Variants in PHACTR1 observed in about 807,000 individuals in gnomAD.
PHACTR1 encodes RPEL repeat containing 1.
PHACTR1 carries 16 observed loss-of-function variants against 69.2 expected under a neutral mutation model. That is an observed-to-expected ratio of 0.23 (90% CI 0.16 to 0.35). The LOEUF is 0.35. Ranked by LOEUF, PHACTR1 falls within the 10% of genes least tolerant of loss-of-function variation. The probability of loss-of-function intolerance (pLI) is 1.00; values close to 1 mark genes in which losing one functional copy is unlikely to be tolerated. For synonymous variants in PHACTR1, 312 were observed against 284.5 expected, an observed-to-expected ratio of 1.10 and a Z score of -0.97; for missense variants, 510 against 734.7, an observed-to-expected ratio of 0.69 and a Z score of 3.54.
At chr6:13,100,532 C>T (rs535601715) in intron 5 of PHACTR1, among the ~76,000 whole-genome samples, 15 of 152,266 alleles carry the variant, frequency 9.9e-5, no homozygotes, top group African/African-American at 2.6e-4. Context: ...CACTGTTGCA[C>T]GTTATATTTA....
At chr6:13,285,508 C>T (rs1003925) in intron 13 of PHACTR1, among the ~76,000 whole-genome samples, 19 of 152,326 alleles carry the variant, frequency 1.2e-4, no homozygotes, top group Admixed American at 6.5e-4. Flanking sequence ...CTCCCCTGCT[C>T]TCTCATGGCC....
chr6:13,264,815 G>A (rs1584298328), intron 10 of PHACTR1: 2 of 152,362 alleles, frequency 1.3e-5, no homozygotes, highest in South Asian at 2.1e-4. Context: ...TTGAACCCAG[G>A]AGTTTGAGAC....
intron 4 of PHACTR1, among the ~76,000 whole-genome samples, chr6:12,816,064 A>C (rs1378386337): frequency 6.6e-6 from 1 of 152,350 alleles, no homozygotes; most frequent in African/African-American, 2.4e-5. Context: ...AGAAGCAAAC[A>C]ACAGTTGCAC....
chr6:13,276,463 T>C (rs540646712), intron 11 of PHACTR1, among the ~76,000 whole-genome samples: 1 of 149,880 alleles, frequency 6.7e-6, no homozygotes, highest in East Asian at 2.0e-4. Flanking sequence ...GCACAGGGGG[T>C]TTCCTTCCTT....
chr6:13,236,751 G>C (rs1356935492), intron 10 of PHACTR1, among the ~76,000 whole-genome samples: 4 of 152,186 alleles, frequency 2.6e-5, no homozygotes, highest in African/African-American at 9.7e-5. Context: ...GACATTCTGA[G>C]GTACTGGGAT....
At chr6:12,987,416 A>G (rs1380424724) in intron 4 of PHACTR1, among the ~76,000 whole-genome samples, 1 of 152,208 alleles carries the variant, frequency 6.6e-6, no homozygotes, top group Non-Finnish European at 1.5e-5. Context: ...ACAATTTGTA[A>G]TAGTTAGGTA....
At chr6:12,755,126 A>G (rs1767155921) in intron 4 of PHACTR1, among the ~76,000 whole-genome samples, 1 of 152,194 alleles carries the variant, frequency 6.6e-6, no homozygotes, top group African/African-American at 2.4e-5. Context: ...CATCATTATT[A>G]TTTTTAAACA....
chr6:12,909,776 C>T (rs373002027), intron 4 of PHACTR1, among the ~76,000 whole-genome samples: 2 of 152,302 alleles, frequency 1.3e-5, no homozygotes, highest in South Asian at 4.1e-4. Flanking sequence ...GACTTAAGAT[C>T]GGCAGCATTC....
At chr6:13,021,463 C>G (rs1800962982) in intron 4 of PHACTR1, among the ~76,000 whole-genome samples, 1 of 152,184 alleles carries the variant, frequency 6.6e-6, no homozygotes, top group African/African-American at 2.4e-5. Context: ...TTTGGCTTTG[C>G]TGAACATGCC....
chr6:13,091,326 G>A (rs114921569), intron 5 of PHACTR1, among the ~76,000 whole-genome samples: 2,447 of 152,172 alleles, frequency 0.016, 55 homozygotes, highest in African/African-American at 0.053. Context: ...TTCTACTAAA[G>A]TTGTTGAGTA....
intron 3 of PHACTR1, among the ~76,000 whole-genome samples, chr6:12,737,600 T>C (rs899450334): frequency 6.8e-5 from 10 of 147,418 alleles, no homozygotes; most frequent in African/African-American, 2.5e-4. Context: ...CTTTCTTTCT[T>C]TTTTTTTTTT....
intron 4 of PHACTR1, among the ~76,000 whole-genome samples, chr6:12,980,954 G>A (rs1456266928): frequency 6.6e-6 from 1 of 152,224 alleles, no homozygotes; most frequent in Admixed American, 6.5e-5. Context: ...GTGTGTGCGG[G>A]TTATACAGAT....
intron 4 of PHACTR1, among the ~76,000 whole-genome samples, chr6:12,954,088 A>G (rs1301152678): frequency 6.6e-6 from 1 of 152,186 alleles, no homozygotes; most frequent in Non-Finnish European, 1.5e-5. Flanking sequence ...AGATTTCGCT[A>G]TTTGGTAAGG....
intron 5 of PHACTR1, among the ~76,000 whole-genome samples, chr6:13,148,334 C>T (rs572752131): frequency 3.9e-5 from 6 of 152,160 alleles, no homozygotes; most frequent in African/African-American, 1.4e-4. Flanking sequence ...ATGTAAATTA[C>T]AGACGTCTGT....
chr6:12,795,314 C>T (rs1464915875), intron 4 of PHACTR1, among the ~76,000 whole-genome samples: 1 of 152,140 alleles, frequency 6.6e-6, no homozygotes, highest in African/African-American at 2.4e-5. Flanking sequence ...CAATGAGCCC[C>T]ACATTGAAGT....
chr6:13,133,401 CTCCTGCCTCA>C (rs1820863294), intron 5 of PHACTR1, among the ~76,000 whole-genome samples: 1 of 151,796 alleles, frequency 6.6e-6, no homozygotes, highest in Admixed American at 6.5e-5. Flanking sequence ...CTGTCTGATT[CTCCTGCCTCA>C]GCCTGCCGAG....
intron 4 of PHACTR1, among the ~76,000 whole-genome samples, chr6:13,041,541 CA>C (rs1349673547): frequency 4.6e-5 from 7 of 152,052 alleles, no homozygotes; most frequent in Admixed American, 2.0e-4. Flanking sequence ...GTAATGTCAT[CA>C]GAGAGAGAAA....
intron 4 of PHACTR1, among the ~76,000 whole-genome samples, chr6:12,800,421 T>A (rs1272343748): frequency 6.6e-6 from 1 of 152,208 alleles, no homozygotes; most frequent in Non-Finnish European, 1.5e-5. Flanking sequence ...TATTACAAAC[T>A]TTTTCCTAGA....
chr6:13,095,083 CAAGAG>C (rs1238317185), intron 5 of PHACTR1, among the ~76,000 whole-genome samples: 2 of 152,126 alleles, frequency 1.3e-5, no homozygotes, highest in African/African-American at 4.8e-5. Flanking sequence ...ACCTGCAAGC[CAAGAG>C]AAGAGGCCTC....
Sources: gnomAD v4.1 joint callset for allele counts (sites outside exome capture counted in the v4.1 genomes callset) on GRCh38, gnomAD v4.1.1 for gene constraint, MANE v1.5 for transcripts, NCBI Gene and HGNC (gene_info 2026-07-23, HGNC 2026-07-21) for gene names.